ETV1: variants seen among roughly 807,000 people sequenced by gnomAD.
The protein encoded by ETV1 is ETS variant transcription factor 1.
Under a neutral mutation model 62.3 loss-of-function variants are expected in ETV1, and 27 were observed. The ratio of observed to expected loss-of-function variants is 0.43; its 90% confidence interval spans 0.32 to 0.60. The LOEUF is 0.60. Among genes scored for constraint, ETV1 ranks in the 20% least tolerant of loss-of-function variants. The pLI is 0.06. For missense variants in ETV1, 605 were observed against 605.8 expected (o/e 1.00, Z 0.01); for synonymous variants, 222 against 199.6 (o/e 1.11, Z -0.94).
chr7:13,974,126 G>A (rs983629204), intron 6 of ETV1, among the ~76,000 whole-genome samples: 1 of 152,172 alleles, frequency 6.6e-6, no homozygotes, highest in African/African-American at 2.4e-5. Flanking sequence ...TAACTCTGTG[G>A]GGTCAGGGTG....
intron 9 of ETV1, among the ~76,000 whole-genome samples, chr7:13,928,775 T>C (rs1318322957): frequency 1.3e-5 from 2 of 152,038 alleles, no homozygotes; most frequent in Non-Finnish European, 2.9e-5. Flanking sequence ...CTGGCCACCA[T>C]GGTGAAACCC....
chr7:13,941,998 G>A (rs1787582807), intron 6 of ETV1, among the ~76,000 whole-genome samples: 1 of 149,050 alleles, frequency 6.7e-6, no homozygotes, highest in Admixed American at 6.7e-5. Context: ...ACACAGCTTT[G>A]TAATACATTA....
At position 13,933,749 on chromosome 7, in the gene ETV1, C is replaced by A. The variant is rs563828262; in HGVS notation, c.554+1959G>T. Among the ~76,000 whole-genome samples, 12 of 152,292 alleles carry A rather than the reference C, an allele frequency of 7.9e-5. No homozygotes were observed. The East Asian group carries it at 2.3e-3, about 29-fold the overall frequency. ...CTTTAGAGATTTTCCTGGGACTGGC[C>A]AGCTGGTACTGTCCTCAAAACTCAG... On this transcript the variant is annotated intron_variant, in intron 8 of 13. Coordinates refer to ENST00000430479, the MANE Select transcript of ETV1 (RefSeq NM_004956.5).
chr7:13,955,886 A>T (rs1393410731), intron 6 of ETV1, among the ~76,000 whole-genome samples: 1 of 152,036 alleles, frequency 6.6e-6, no homozygotes, highest in Non-Finnish European at 1.5e-5. Context: ...TCCATTTGGG[A>T]GTTCTGAATC....
chr7:13,986,201 C>G, intron 5 of ETV1: 6 of 1,576,776 alleles, frequency 3.8e-6, no homozygotes, highest in Non-Finnish European at 5.2e-6. Context: ...CCCAGAGAAA[C>G]TAATTTCTGC....
At chr7:13,949,476 A>G (rs563058263) in intron 6 of ETV1, among the ~76,000 whole-genome samples, 5 of 152,314 alleles carry the variant, frequency 3.3e-5, no homozygotes, top group African/African-American at 1.2e-4. Flanking sequence ...TAAGACACAC[A>G]GAAGCAGAAG....
chr7:13,973,641 C>T (rs190831560), intron 6 of ETV1, among the ~76,000 whole-genome samples: 7 of 149,730 alleles, frequency 4.7e-5, no homozygotes, highest in African/African-American at 7.6e-5. Flanking sequence ...ACATATCCTT[C>T]CACTTTTTTT....
At chr7:13,955,601 A>G (rs1382008504) in intron 6 of ETV1, among the ~76,000 whole-genome samples, 1 of 152,178 alleles carries the variant, frequency 6.6e-6, no homozygotes, top group East Asian at 1.9e-4. Context: ...AACGGTGGCC[A>G]TGAAATACAC....
intron 13 of ETV1, among the ~76,000 whole-genome samples, chr7:13,896,782 A>AAGAAAGAAAGAG (rs1781885044): frequency 1.3e-5 from 2 of 151,766 alleles, no homozygotes; most frequent in Non-Finnish European, 2.9e-5. Context: ...GAAAGAAAGA[A>AAGAAAGAAAGAG]AGAAAGAAAG....
intron 13 of ETV1, among the ~76,000 whole-genome samples, chr7:13,898,042 C>T (rs1782024530): frequency 1.3e-5 from 2 of 152,182 alleles, no homozygotes; most frequent in African/African-American, 4.8e-5. Context: ...TTCCTCACTG[C>T]TTCCTTCTGT....
At chr7:13,960,557 C>T (rs58501779) in intron 6 of ETV1, among the ~76,000 whole-genome samples, 25,641 of 151,800 alleles carry the variant, frequency 0.17, 3,475 homozygotes, top group African/African-American at 0.38. Context: ...GATTTAAACC[C>T]AGATTTAAAC....
intron 6 of ETV1, among the ~76,000 whole-genome samples, chr7:13,946,643 T>A (rs1404241070): frequency 6.6e-6 from 1 of 152,226 alleles, no homozygotes; most frequent in Non-Finnish European, 1.5e-5. Context: ...AGGATAGAAA[T>A]GCCCTGAGCT....
intron 6 of ETV1, among the ~76,000 whole-genome samples, chr7:13,975,470 G>A (rs1781337551): frequency 6.6e-6 from 1 of 150,762 alleles, no homozygotes; most frequent in Non-Finnish European, 1.5e-5. Flanking sequence ...GGCTGAGGCA[G>A]GAGAATGGTG....
intron 6 of ETV1, among the ~76,000 whole-genome samples, chr7:13,973,693 T>C (rs1477420113): frequency 1.3e-5 from 2 of 152,174 alleles, no homozygotes; most frequent in East Asian, 3.9e-4. Context: ...CCTCTGTTTA[T>C]GGGTTTTTTA....
chr7:13,924,722 T>C (rs1038196625), intron 9 of ETV1, among the ~76,000 whole-genome samples: 4 of 152,206 alleles, frequency 2.6e-5, no homozygotes, highest in Non-Finnish European at 5.9e-5. Flanking sequence ...ATCCTAATTT[T>C]AGTTTTGGCT....
At chr7:13,931,077 G>C (rs1243722823) in intron 9 of ETV1, among the ~76,000 whole-genome samples, 1 of 151,952 alleles carries the variant, frequency 6.6e-6, no homozygotes, top group Non-Finnish European at 1.5e-5. Flanking sequence ...CCACTGCACC[G>C]GGACCCCAGT....
intron 9 of ETV1, among the ~76,000 whole-genome samples, chr7:13,930,444 A>C (rs150254788): frequency 7.3e-5 from 11 of 151,084 alleles, no homozygotes; most frequent in Non-Finnish European, 1.0e-4. Context: ...GCCTCAGCCT[A>C]CCAAGTAGCT....
intron 6 of ETV1, among the ~76,000 whole-genome samples, chr7:13,964,400 A>G (rs1232606516): frequency 6.6e-6 from 1 of 152,224 alleles, no homozygotes; most frequent in East Asian, 1.9e-4. Flanking sequence ...CTTATGGTTT[A>G]GGACTAAATT....
intron 9 of ETV1, among the ~76,000 whole-genome samples, chr7:13,915,389 A>G (rs1784037198): frequency 6.6e-6 from 1 of 152,228 alleles, no homozygotes; most frequent in Non-Finnish European, 1.5e-5. Flanking sequence ...TTTCAAAAAC[A>G]TTTGTCTATT....
Sources: allele counts gnomAD v4.1 joint callset (sites outside exome capture counted in the v4.1 genomes callset), GRCh38; gene constraint gnomAD v4.1.1; transcripts MANE v1.5; gene names NCBI Gene and HGNC (gene_info 2026-07-23, HGNC 2026-07-21).